The following ATXN8OS variants were observed in gnomAD, a reference collection of about 807,000 sequenced individuals.
ATXN8OS encodes ATXN8 opposite strand (non-protein coding).
chr13:70,131,048 G>A, intron 3 of ATXN8OS: 1 of 398,486 alleles, frequency 2.5e-6, no homozygotes, highest in Non-Finnish European at 4.4e-6. Flanking sequence ...CTCAACAGGT[G>A]ATTATTCTTT....
chr13:70,131,223 C>T, intron 3 of ATXN8OS: 1 of 371,884 alleles, frequency 2.7e-6, no homozygotes. Context: ...ATGTATACAT[C>T]CTAAATATTT....
intron 3 of ATXN8OS, among the ~76,000 whole-genome samples, chr13:70,138,830 C>T (rs302019): frequency 0.86 from 130,323 of 152,014 alleles, 56,041 homozygotes; most frequent in East Asian, 1. Flanking sequence ...GTCTAGTACA[C>T]GATAATTCTC....
intron 3 of ATXN8OS, among the ~76,000 whole-genome samples, chr13:70,133,529 A>C (rs1286307020): frequency 9.9e-5 from 15 of 152,238 alleles, no homozygotes; most frequent in Non-Finnish European, 1.5e-5. Flanking sequence ...GTACCTGTGA[A>C]TGTAACAATA....
intron 2 of ATXN8OS, among the ~76,000 whole-genome samples, chr13:70,129,375 CTGTGTGTGTGTGTGTG>C (rs34731574): frequency 6.7e-6 from 1 of 148,994 alleles, no homozygotes; most frequent in African/African-American, 2.5e-5. Context: ...TTGTATTTTT[CTGTGTGTGTGTGTGTG>C]TGTGTGTGTG....
intron 1 of ATXN8OS, among the ~76,000 whole-genome samples, chr13:70,111,221 T>G (rs1437899197): frequency 6.6e-6 from 1 of 152,220 alleles, no homozygotes; most frequent in Non-Finnish European, 1.5e-5. Flanking sequence ...TTTCTACAAC[T>G]CAAATATTTA....
At chr13:70,135,341 C>G (rs1271300449) in intron 3 of ATXN8OS, among the ~76,000 whole-genome samples, 3 of 151,956 alleles carry the variant, frequency 2.0e-5, no homozygotes, top group Non-Finnish European at 4.4e-5. Context: ...TCCATGACAC[C>G]AAACTCCTTA....
chr13:70,107,692 C>T (rs758706872), upstream of ATXN8OS: 9 of 1,524,486 alleles, frequency 5.9e-6, no homozygotes, highest in African/African-American at 1.1e-4. Flanking sequence ...TCGCCCAGAG[C>T]CTGACATGCT....
chr13:70,130,016 T>C lies in ATXN8OS; in HGVS notation n.499+132T>C, dbSNP rs575167437. On this transcript the variant is annotated intron_variant and non_coding_transcript_variant, in intron 3 of 4. Coordinates refer to ENST00000678624, the Ensembl canonical transcript of ATXN8OS. ...TCCAGCCTAGCAATCAAGAGGATAT[T>C]GAAAGGGAACTTTTCAACAAGATAG... 4.3e-4 allele frequency: 169 copies of C among 394,866 alleles called. 2 individuals are homozygous for C. The highest frequency in any genetic ancestry group is 2.9e-3 in the African/African-American group (142 of 48,646). The allele number at this position is 394,866 out of a possible 1,614,324, so 24.5% of individuals were successfully genotyped here.
At chr13:70,141,877 T>A (rs561800738) in intron 3 of ATXN8OS, among the ~76,000 whole-genome samples, 7 of 151,950 alleles carry the variant, frequency 4.6e-5, no homozygotes, top group African/African-American at 1.7e-4. Context: ...TATATGTATA[T>A]ATAATTTTTT....
At chr13:70,125,655 T>G (rs1399429191) in intron 2 of ATXN8OS, among the ~76,000 whole-genome samples, 1 of 152,182 alleles carries the variant, frequency 6.6e-6, no homozygotes, top group Non-Finnish European at 1.5e-5. Flanking sequence ...TTTTGTTTTC[T>G]TTTAGGTAGT....
intron 3 of ATXN8OS, among the ~76,000 whole-genome samples, chr13:70,144,569 A>G (rs1888757952): frequency 6.6e-6 from 1 of 152,068 alleles, no homozygotes; most frequent in Non-Finnish European, 1.5e-5. Flanking sequence ...GTTGAGTTTT[A>G]AGAGTTCTTT....
At position 70,156,244 on chromosome 13, in the gene ATXN8OS, A is replaced by AGTGT. The variant is rs71784187; in HGVS notation, n.573+8839_573+8842dup. 2.8e-3 allele frequency among the ~76,000 whole-genome samples: 420 copies of AGTGT among 149,278 alleles called. 1 individual carries two copies. The highest frequency in any genetic ancestry group is 7.5e-3 in the African/African-American group (304 of 40,506). ...GCACAGGTGGGTATGGGTGGGTATG[A>AGTGT]GTGTGTGTGTGTGTGTGTGTGTGTG... is the stretch of plus-strand genomic sequence containing the variant. On this transcript the variant is annotated intron_variant and non_coding_transcript_variant, in intron 4 of 4. Transcript: ENST00000678624.
chr13:70,120,037 G>A lies in ATXN8OS; in HGVS notation n.398+4739G>A, dbSNP rs79149303. On this transcript the variant is annotated intron_variant and non_coding_transcript_variant, in intron 2 of 4. Transcript: ENST00000678624. ...AGTAGTAGTTCAACTCATGTGACAC[G>A]TAAGAATTGATAGGCATTAAAAAGG... 4.6e-3 allele frequency among the ~76,000 whole-genome samples: 693 copies of A among 152,158 alleles called. 9 individuals carry two copies. The highest frequency in any genetic ancestry group is 0.015 in the African/African-American group (636 of 41,546).
At chr13:70,162,329 C>T (rs1889018906) in intron 4 of ATXN8OS, among the ~76,000 whole-genome samples, 1 of 152,134 alleles carries the variant, frequency 6.6e-6, no homozygotes, top group South Asian at 2.1e-4. Context: ...GCTCTGTCAT[C>T]ACTCCTAGGA....
intron 4 of ATXN8OS, among the ~76,000 whole-genome samples, chr13:70,148,151 T>C (rs1322345945): frequency 6.6e-6 from 1 of 152,152 alleles, no homozygotes; most frequent in Non-Finnish European, 1.5e-5. Context: ...GTCTCTTATC[T>C]GACCTTAGAA....
intron 3 of ATXN8OS, among the ~76,000 whole-genome samples, chr13:70,133,589 T>C (rs9599553): frequency 0.22 from 34,040 of 152,092 alleles, 4,345 homozygotes; most frequent in East Asian, 0.53. Context: ...GAGGTCCTAA[T>C]AATTTGTGGT....
chr13:70,122,465 A>G (rs1888372906), intron 2 of ATXN8OS, among the ~76,000 whole-genome samples: 1 of 152,014 alleles, frequency 6.6e-6, no homozygotes, highest in South Asian at 2.1e-4. Flanking sequence ...TGAATAAAAC[A>G]TGCAATGTCA....
intron 4 of ATXN8OS, among the ~76,000 whole-genome samples, chr13:70,165,797 TA>T (rs1194126775): frequency 6.6e-6 from 1 of 152,032 alleles, no homozygotes. Flanking sequence ...TATGTGGAAA[TA>T]TTTAAATATA....
chr13:70,129,034 G>C (rs9564654), intron 2 of ATXN8OS, among the ~76,000 whole-genome samples: 21,768 of 151,822 alleles, frequency 0.14, 2,092 homozygotes, highest in African/African-American at 0.27. Context: ...CTAATTTTTT[G>C]TATTTAGTAG....
Sources: allele counts gnomAD v4.1 joint callset (sites outside exome capture counted in the v4.1 genomes callset), GRCh38; gene constraint gnomAD v4.1.1; transcripts MANE v1.5; gene names NCBI Gene and HGNC (gene_info 2026-07-23, HGNC 2026-07-21).